The following ZC3H6 variants were observed in gnomAD, a reference collection of about 807,000 sequenced individuals.
The protein encoded by ZC3H6 is zinc finger CCCH-type containing 6, also known as zinc finger CCCH domain-containing protein 6.
Under a neutral mutation model 107.7 loss-of-function variants are expected in ZC3H6, and 40 were observed. The observed-to-expected ratio is 0.37, with a 90% confidence interval of 0.29 to 0.48. ZC3H6 has a LOEUF of 0.48. ZC3H6 is among the 20% of genes least tolerant of loss of function. The probability of loss-of-function intolerance (pLI) is 0.98; values close to 1 mark genes in which losing one functional copy is unlikely to be tolerated. For missense variants in ZC3H6, 1,267 were observed against 1,410.4 expected, an observed-to-expected ratio of 0.90 and a Z score of 1.63; for synonymous variants, 493 against 487.9, an observed-to-expected ratio of 1.01 and a Z score of -0.14.
chr2:112,307,107 A>G (rs1456155934), intron 3 of ZC3H6, among the ~76,000 whole-genome samples: 1 of 152,168 alleles, frequency 6.6e-6, no homozygotes. Context: ...ACAAGAAGAG[A>G]AAGTTCAGTA....
rs889900133 is a variant in ZC3H6, at chr2:112,283,354, A to G, written c.32+7328A>G. 2.0e-5 allele frequency among the ~76,000 whole-genome samples: 3 copies of G among 152,218 alleles called. No individual in the cohort carries two copies. In the East Asian group the frequency reaches 5.8e-4, roughly 29 times the overall value. ...TTTGTAATTTGAGTTCTAGCTTAAC[A>G]TTAATACTTCAGATAACTGTTAATA... On this transcript the variant is annotated intron_variant, in intron 1 of 11. Coordinates refer to ENST00000409871, the MANE Select transcript of ZC3H6 (RefSeq NM_198581.3).
At chr2:112,276,427 T>C (rs1293663378) in intron 1 of ZC3H6, among the ~76,000 whole-genome samples, 1 of 150,476 alleles carries the variant, frequency 6.6e-6, no homozygotes, top group Non-Finnish European at 1.5e-5. Flanking sequence ...TGTTTTGATA[T>C]TTGACTGCTT....
At chr2:112,278,270 T>C (rs951789657) in intron 1 of ZC3H6, among the ~76,000 whole-genome samples, 1 of 152,250 alleles carries the variant, frequency 6.6e-6, no homozygotes, top group African/African-American at 2.4e-5. Context: ...GAGAAAAATA[T>C]ATGAAACTTG....
In ZC3H6 at chr2:112,332,304, T is replaced by G. The variant is rs1449234178; in HGVS notation, c.3386T>G (p.Val1129Gly). The G allele has an allele frequency of 6.2e-7, 1 of 1,613,916 alleles. No homozygotes were observed. Among genetic ancestry groups the G allele is most frequent in the Admixed American group, 1.7e-5 (1 of 60,018 alleles). The change falls in exon 12 of 12, where the codon GTG becomes GGG. Residue 1129 changes from valine to glycine, a missense_variant. Physicochemically the swap from Val to Gly is moderately radical, Grantham distance 109 (BLOSUM62 -3). Transcript: ENST00000409871. Reference sequence around the variant, plus strand: ...TCTGGTAAGGTTCAGGTCCCAGCAGTGCACAGCCTTCCTGTTCAGGCATTA... The same window carrying G: ...TCTGGTAAGGTTCAGGTCCCAGCAGGGCACAGCCTTCCTGTTCAGGCATTA... ...RSSGKVQVPA[V>G]HSLPVQALTG...
chr2:112,286,575 C>T (rs960607726), intron 1 of ZC3H6, among the ~76,000 whole-genome samples: 1 of 152,226 alleles, frequency 6.6e-6, no homozygotes, highest in Non-Finnish European at 1.5e-5. Flanking sequence ...GTAGCTGGGA[C>T]TATGGGCGCA....
At chr2:112,324,733 A>G in intron 10 of ZC3H6, 70 bp downstream of exon 10, 1 of 1,389,292 alleles carries the variant, frequency 7.2e-7, no homozygotes. Context: ...TAAAAGCATG[A>G]CAGAAACGTA....
intron 1 of ZC3H6, among the ~76,000 whole-genome samples, chr2:112,292,809 G>A (rs180857824): frequency 1.3e-5 from 2 of 152,240 alleles, no homozygotes; most frequent in Admixed American, 1.3e-4. Context: ...TATTAACCAA[G>A]TTTTGGTAGC....
At chr2:112,282,697 C>T (rs1686549078) in intron 1 of ZC3H6, among the ~76,000 whole-genome samples, 1 of 152,174 alleles carries the variant, frequency 6.6e-6, no homozygotes, top group Admixed American at 6.5e-5. Flanking sequence ...TAGAAATTTA[C>T]ATCAAGAAAT....
chr2:112,285,359 A>ATTT (rs757580470), intron 1 of ZC3H6, among the ~76,000 whole-genome samples: 5 of 144,754 alleles, frequency 3.5e-5, no homozygotes, highest in Non-Finnish European at 7.6e-5. Flanking sequence ...TACTGAGTAA[A>ATTT]TTTTTTTTTT....
Position 112,332,176 on chromosome 2 carries a change from T to C in ZC3H6, c.3258T>C (p.Thr1086=). Residue 1086 remains threonine, a synonymous_variant, in exon 12 of 12, where the codon ACT becomes ACC. Coordinates refer to ENST00000409871, the MANE Select transcript of ZC3H6 (RefSeq NM_198581.3). The part of the protein sequence containing the change: ...KSGGLKSSDK[T]EPSPGEAILP... ...GTGGCTTAAAAAGTAGTGACAAAAC[T>C]GAACCTTCTCCTGGAGAAGCCATCC... 2 of 1,613,938 alleles carry C rather than the reference T, an allele frequency of 1.2e-6. No individual in the cohort carries two copies. Among genetic ancestry groups the C allele is most frequent in the Non-Finnish European group, 1.7e-6 (2 of 1,179,850 alleles).
At chr2:112,324,832 A>T in intron 10 of ZC3H6, 132 bp from the exon 11 acceptor site, 1 of 1,129,620 alleles carries the variant, frequency 8.9e-7, no homozygotes, top group South Asian at 1.7e-5. Context: ...AGAATTTTAG[A>T]TAACTTTTAG....
At chr2:112,321,683 A>G (rs1676804622) in intron 7 of ZC3H6, 73 bp from the exon 8 acceptor site, 1 of 708,770 alleles carries the variant, frequency 1.4e-6, no homozygotes, top group Non-Finnish European at 2.3e-6. Flanking sequence ...CTTGTCTAAC[A>G]GTTGTAGGTT....
At chr2:112,301,110 G>A (rs1428574154) in intron 2 of ZC3H6, among the ~76,000 whole-genome samples, 1 of 152,198 alleles carries the variant, frequency 6.6e-6, no homozygotes, top group African/African-American at 2.4e-5. Context: ...AAACCAAGTT[G>A]CCAACAGATA....
In ZC3H6 at chr2:112,278,358, C is replaced by A. The variant is rs538899389; in HGVS notation, c.32+2332C>A. On this transcript the variant is annotated intron_variant, in intron 1 of 11. Coordinates refer to ENST00000409871, the MANE Select transcript of ZC3H6 (RefSeq NM_198581.3). ...TTTGAGACGGAGTCTCGCTCTGTCG[C>A]CCAGGCTGGAGTGCAGTGGCACTGT... Among the ~76,000 whole-genome samples, 320 of 152,302 alleles carry A rather than the reference C, an allele frequency of 2.1e-3. 1 individual carries two copies. Among genetic ancestry groups the A allele is most frequent in the Middle Eastern group, 0.01 (3 of 294 alleles).
At position 112,306,086 on chromosome 2, in the gene ZC3H6, T is replaced by C. The variant is rs559664277; in HGVS notation, c.336+2735T>C. On this transcript the variant is annotated intron_variant, in intron 3 of 11. Transcript: ENST00000409871. Reference sequence around the variant, plus strand: ...AATCTTCTAAGTCATTTTTATAGTTTCAAGTTTGCTGCTGAAATGTTCATA... The same window carrying C: ...AATCTTCTAAGTCATTTTTATAGTTCCAAGTTTGCTGCTGAAATGTTCATA... 5.3e-5 allele frequency among the ~76,000 whole-genome samples: 8 copies of C among 152,274 alleles called. No homozygotes were observed. The South Asian group carries it at 1.7e-3, about 32-fold the overall frequency.
Position 112,310,177 on chromosome 2 carries a change from C to T in ZC3H6, c.613+16C>T. 6.2e-7 allele frequency: 1 copy of T among 1,607,802 alleles called. No individual in the cohort carries two copies. Among genetic ancestry groups the T allele is most frequent in the Non-Finnish European group, 8.5e-7 (1 of 1,177,036 alleles). On this transcript the variant is annotated intron_variant, in intron 4 of 11. Transcript: ENST00000409871. ...GTTCAGCAAGGTAAGTTTGAAATTA[C>T]AGTCTGTCTTAGAATGTGAGAACCT...
At chr2:112,308,404 T>TTTTATTTATTTA (rs370414380) in intron 3 of ZC3H6, among the ~76,000 whole-genome samples, 4,765 of 138,258 alleles carry the variant, frequency 0.034, 259 homozygotes, top group African/African-American at 0.11. Flanking sequence ...TTTTATTTTA[T>TTTTATTTATTTA]TTTATTTATT....
intron 1 of ZC3H6, among the ~76,000 whole-genome samples, chr2:112,285,749 TCAGGAGTTCAAGAC>T (rs1424117352): frequency 6.6e-6 from 1 of 151,810 alleles, no homozygotes; most frequent in Non-Finnish European, 1.5e-5. Flanking sequence ...TCACCTGAGG[TCAGGAGTTCAAGAC>T]CAGCCTGGCT....
chr2:112,327,562 T>C (rs1404318667), intron 11 of ZC3H6, among the ~76,000 whole-genome samples: 1 of 152,216 alleles, frequency 6.6e-6, no homozygotes. Context: ...GCTTGTGAGG[T>C]ATTACTTAAG....
Sources: allele counts gnomAD v4.1 joint callset (sites outside exome capture counted in the v4.1 genomes callset), GRCh38; gene constraint gnomAD v4.1.1; transcripts MANE v1.5; gene names NCBI Gene and HGNC (gene_info 2026-07-23, HGNC 2026-07-21).